MRPL42: variants seen among roughly 807,000 people sequenced by gnomAD.
The protein encoded by MRPL42 is large ribosomal subunit protein mL42.
A neutral mutation model predicts 17.9 loss-of-function variants in MRPL42; 17 were observed. That is an observed-to-expected ratio of 0.95 (90% confidence interval 0.65 to 1.42). The LOEUF (loss-of-function observed/expected upper bound fraction) is 1.42, where lower values mean the gene tolerates loss of function less well. MRPL42 is among the 40% of genes most tolerant of loss of function. The pLI is 0.00. For synonymous variants in MRPL42, 59 were observed against 54.4 expected, an observed-to-expected ratio of 1.08 and a Z score of -0.37; for missense variants, 177 against 175.2, an observed-to-expected ratio of 1.01 and a Z score of -0.06.
intron 3 of MRPL42, among the ~76,000 whole-genome samples, chr12:93,478,726 T>C (rs1880307555): frequency 6.6e-6 from 1 of 152,176 alleles, no homozygotes; most frequent in Admixed American, 6.5e-5. Flanking sequence ...TGTTATGGTA[T>C]TCAATCTTGA....
Position 93,501,951 on chromosome 12 carries a change from C to G in MRPL42, c.*730C>G, listed in dbSNP as rs907583079. 1 of 128,244 alleles carries G rather than the reference C, an allele frequency of 7.8e-6. No homozygotes were observed. The highest frequency in any genetic ancestry group is 2.6e-5 in the African/African-American group (1 of 38,828). The allele number at this position is 128,244 out of a possible 1,614,324, so 7.9% of individuals were successfully genotyped here. On this transcript the variant is annotated 3_prime_UTR_variant, in exon 6 of 6. Transcript: ENST00000549982. ...CTTCCATCAATTCTTATTAAATTCT[C>G]AAAATAATCCTTTGAAAAGGGAGTA... is the stretch of plus-strand genomic sequence containing the variant.
Position 93,501,340 on chromosome 12 carries a change from A to G in MRPL42, c.*119A>G. 1.8e-6 allele frequency: 1 copy of G among 564,898 alleles called. No individual in the cohort carries two copies. The highest frequency in any genetic ancestry group is 2.9e-6 in the Non-Finnish European group (1 of 348,672). The allele number at this position is 564,898 out of a possible 1,614,324, so 35.0% of individuals were successfully genotyped here. On this transcript the variant is annotated 3_prime_UTR_variant, in exon 6 of 6. Coordinates refer to ENST00000549982, the MANE Select transcript of MRPL42 (RefSeq NM_014050.4). ...ATAATGATAAAATATCTTTTCATAT[A>G]TTAGAATGTGTACTTTTATATAAAG... is the stretch of plus-strand genomic sequence containing the variant.
At chr12:93,472,770 C>T (rs917713806) in intron 2 of MRPL42, among the ~76,000 whole-genome samples, 1 of 152,098 alleles carries the variant, frequency 6.6e-6, no homozygotes, top group Non-Finnish European at 1.5e-5. Context: ...TCAGTCAGCC[C>T]GGGAGTGTAG....
At chr12:93,487,456 T>C (rs767778878) in intron 4 of MRPL42, 41 bp from the exon 5 acceptor site, 1 of 1,551,212 alleles carries the variant, frequency 6.4e-7, no homozygotes. Flanking sequence ...CTGGCTAACA[T>C]TCCCACATCT....
At chr12:93,485,750 A>G (rs1880711412) in intron 4 of MRPL42, among the ~76,000 whole-genome samples, 2 of 152,332 alleles carry the variant, frequency 1.3e-5, no homozygotes, top group Admixed American at 6.5e-5. Context: ...ATACCTTAAT[A>G]TCACTTAATA....
rs1565823135 is a variant in MRPL42 at position 93,510,071 on chromosome 12, C to T, written c.*8850C>T. On this transcript the variant is annotated 3_prime_UTR_variant, in exon 6 of 6. Transcript: ENST00000549982. The stretch of plus-strand genomic sequence containing the variant: ...ATAGTCATGCAGAGTCTACACTGTC[C>T]TAAAAACCCTTGGCTCTGCCTCTTC... The T allele has an allele frequency of 6.6e-6, 1 of 152,362 alleles. No individual in the cohort carries two copies. The highest frequency in any genetic ancestry group is 1.5e-5 in the Non-Finnish European group (1 of 68,080). The allele number at this position is 152,362 out of a possible 1,614,324, so 9.4% of individuals were successfully genotyped here.
intron 5 of MRPL42, among the ~76,000 whole-genome samples, chr12:93,490,930 G>A (rs12819497): frequency 0.32 from 48,573 of 151,612 alleles, 8,203 homozygotes; most frequent in African/African-American, 0.43. Flanking sequence ...TTGCTGTGTC[G>A]CCCAGGCTGG....
intron 3 of MRPL42, 85 bp downstream of exon 3, chr12:93,477,102 T>C (rs930689845): frequency 3.0e-6 from 3 of 992,412 alleles, no homozygotes; most frequent in South Asian, 1.6e-5. Context: ...TGATGTCTGA[T>C]GCTTTCTTTT....
Position 93,513,044 on chromosome 12 carries a change from T to A in MRPL42, c.*11823T>A, listed in dbSNP as rs1953738892. ...CCATTATCCCTTTGTAAATCTGGTT[T>A]CATCTTATGAATAATATTTTTTAAA... On this transcript the variant is annotated 3_prime_UTR_variant, in exon 6 of 6. Transcript: ENST00000549982. The A allele has an allele frequency of 6.6e-6, 1 of 152,192 alleles. No homozygotes were observed. Among genetic ancestry groups the A allele is most frequent in the Admixed American group, 6.5e-5 (1 of 15,276 alleles). 9.4% of individuals were successfully genotyped at this position (152,192 alleles called of 1,614,324 possible).
chr12:93,487,198 A>C (rs978208088), intron 4 of MRPL42, among the ~76,000 whole-genome samples: 2 of 152,076 alleles, frequency 1.3e-5, no homozygotes, highest in African/African-American at 4.8e-5. Flanking sequence ...CCTGGGCTCA[A>C]GTGATTCTCC....
chr12:93,484,975 C>CATATATATACATATATATATATATAT (rs1565813718), intron 4 of MRPL42, among the ~76,000 whole-genome samples: 1 of 23,170 alleles, frequency 4.3e-5, no homozygotes, highest in Non-Finnish European at 9.9e-5. Context: ...CACACACACA[C>CATATATATACATATATATATATATAT]ACACATATAT....
chr12:93,477,054 T>TAG (rs762047500), intron 3 of MRPL42, 37 bp downstream of exon 3: 1 of 1,361,122 alleles, frequency 7.3e-7, no homozygotes, highest in Non-Finnish European at 1.0e-6. Context: ...ATAATAGTCT[T>TAG]AGCTATAGCT....
Position 93,507,480 on chromosome 12 carries a change from C to T in MRPL42, c.*6259C>T, listed in dbSNP as rs1284047531. The T allele has an allele frequency of 6.6e-6, 1 of 152,144 alleles. No individual in the cohort carries two copies. The highest frequency in any genetic ancestry group is 1.9e-4 in the East Asian group (1 of 5,200). The allele number at this position is 152,144 out of a possible 1,614,324, so 9.4% of individuals were successfully genotyped here. ...AGTGTTTAAAATGACTTAATGGGTT[C>T]TATCTTTTAAGGGAACTTTGGATGA... On this transcript the variant is annotated 3_prime_UTR_variant, in exon 6 of 6. Coordinates refer to ENST00000549982, the MANE Select transcript of MRPL42 (RefSeq NM_014050.4).
chr12:93,496,512 A>T (rs965446407), intron 5 of MRPL42, among the ~76,000 whole-genome samples: 3 of 152,144 alleles, frequency 2.0e-5, no homozygotes, highest in Non-Finnish European at 4.4e-5. Flanking sequence ...AATATAAAAA[A>T]GTAAAATGTC....
intron 2 of MRPL42, among the ~76,000 whole-genome samples, chr12:93,475,624 AT>A (rs1250714856): frequency 6.6e-6 from 1 of 152,024 alleles, no homozygotes; most frequent in Non-Finnish European, 1.5e-5. Context: ...CTACTTTTAA[AT>A]TTTTTTCTTT....
rs1312549093 is a variant in MRPL42 at position 93,515,780 on chromosome 12, T to C, written c.*14559T>C. 2 of 152,216 alleles carry C rather than the reference T, an allele frequency of 1.3e-5. No homozygotes were observed. Among genetic ancestry groups the C allele is most frequent in the East Asian group, 3.8e-4 (2 of 5,202 alleles). 9.4% of individuals were successfully genotyped at this position (152,216 alleles called of 1,614,324 possible). On this transcript the variant is annotated 3_prime_UTR_variant, in exon 6 of 6. Transcript: ENST00000549982. ...GCATTCACAGCTAGGCTATGTTATT[T>C]TCCTATTGGGCATAAGTCTCACAGA...
At chr12:93,467,739 C>T (rs1009833018) in intron 1 of MRPL42, among the ~76,000 whole-genome samples, 185 bp downstream of exon 1, 1 of 152,186 alleles carries the variant, frequency 6.6e-6, no homozygotes, top group South Asian at 2.1e-4. Flanking sequence ...TTATAGCGCC[C>T]CCTTTGTTCC....
At position 93,502,018 on chromosome 12, in the gene MRPL42, G is replaced by A. The variant is rs900538194; in HGVS notation, c.*797G>A. 4 of 152,304 alleles carry A rather than the reference G, an allele frequency of 2.6e-5. No homozygotes were observed. The highest frequency in any genetic ancestry group is 7.2e-5 in the African/African-American group (3 of 41,568). The allele number at this position is 152,304 out of a possible 1,614,324, so 9.4% of individuals were successfully genotyped here. A position where few individuals can be genotyped will look rare whatever the true frequency, so the allele number is the denominator to read the frequency against. On this transcript the variant is annotated 3_prime_UTR_variant, in exon 6 of 6. Transcript: ENST00000549982. ...TGACTCGAACCTTACCCAAACAAGT[G>A]GGAGAGCCAGGAGCCAAACTATCAG...
At chr12:93,487,993 A>G (rs1269384060) in intron 5 of MRPL42, 4 of 246,106 alleles carry the variant, frequency 1.6e-5, no homozygotes, top group Admixed American at 5.6e-5. Flanking sequence ...TTTTGAGACA[A>G]AGAGTCTTGC....
Sources: allele counts gnomAD v4.1 joint callset (sites outside exome capture counted in the v4.1 genomes callset), GRCh38; gene constraint gnomAD v4.1.1; transcripts MANE v1.5; gene names NCBI Gene and HGNC (gene_info 2026-07-23, HGNC 2026-07-21).